The following NUMA1 variants were observed in gnomAD, a reference collection of about 807,000 sequenced individuals.
NUMA1 encodes nuclear mitotic apparatus protein 1.
NUMA1 carries 62 observed loss-of-function variants against 237.1 expected under a neutral mutation model. The observed-to-expected ratio is 0.26, with a 90% CI of 0.21 to 0.32. NUMA1 has a LOEUF of 0.32. Among genes scored for constraint, NUMA1 ranks in the 10% least tolerant of loss-of-function variants. The pLI, the probability that NUMA1 is intolerant of heterozygous loss-of-function variation, is 1.00. For synonymous variants in NUMA1, 1,028 were observed against 1,066.1 expected, an observed-to-expected ratio of 0.96 and a Z score of 0.70; for missense variants, 2,533 against 2,666.5, an observed-to-expected ratio of 0.95 and a Z score of 1.10.
intron 4 of NUMA1, among the ~76,000 whole-genome samples, chr11:72,025,284 G>C (rs1939426063): frequency 6.6e-6 from 1 of 152,144 alleles, no homozygotes; most frequent in Non-Finnish European, 1.5e-5. Flanking sequence ...GGAGACAGCA[G>C]GGGGAGCTCT....
intron 10 of NUMA1, 74 bp from the exon 11 acceptor site, chr11:72,018,587 T>C: frequency 7.5e-7 from 1 of 1,340,402 alleles, no homozygotes; most frequent in Admixed American, 1.7e-5. Flanking sequence ...CACAGAACTA[T>C]GTGCACAAGG....
At chr11:72,056,598 G>C (rs2136101218) in intron 2 of NUMA1, among the ~76,000 whole-genome samples, 1 of 132,436 alleles carries the variant, frequency 7.6e-6, no homozygotes, top group African/African-American at 2.9e-5. Flanking sequence ...GGGATTACTG[G>C]CATGAGCCAT....
At position 72,003,410 on chromosome 11, in the gene NUMA1, G is replaced by A. The variant is rs376421361; in HGVS notation, c.*117C>T. ...GCGGGCAGGCATCACTGTCTCTAGG[G>A]GTTTGGCTACTGTTGGCCTGGGAGC... On this transcript the variant is annotated 3_prime_UTR_variant, in exon 27 of 27. Coordinates refer to ENST00000393695, the MANE Select transcript of NUMA1 (RefSeq NM_006185.4). 57 of 998,762 alleles carry A rather than the reference G, an allele frequency of 5.7e-5. 1 individual carries two copies. The Middle Eastern group carries it at 6.2e-4, about 11-fold the overall frequency. The allele number at this position is 998,762 out of a possible 1,614,324, so 61.9% of individuals were successfully genotyped here. A position where few individuals can be genotyped will look rare whatever the true frequency, so the allele number is the denominator to read the frequency against.
chr11:72,054,953 G>C (rs1260751015), intron 2 of NUMA1, among the ~76,000 whole-genome samples: 3 of 152,110 alleles, frequency 2.0e-5, no homozygotes, highest in Admixed American at 1.3e-4. Flanking sequence ...GCCTTGCATA[G>C]ATCTAGTGGG....
At position 72,029,278 on chromosome 11, in the gene NUMA1, G is replaced by C. The variant is rs775615754; in HGVS notation, c.55C>G (p.His19Asp). ...ACAGCCTCCACAGGGTCAGCCACGTGTAGACTGTTCACCTGTAAATCAAAG... is the reference window on the plus strand; with the variant it reads ...ACAGCCTCCACAGGGTCAGCCACGTCTAGACTGTTCACCTGTAAATCAAAG... ...AALLSWVNSL[H>D]VADPVEAVLQ... Residue 19 changes from histidine to aspartate, a missense_variant, in exon 4 of 27, where the codon CAC becomes GAC. Physicochemically the swap from His to Asp is moderately conservative, Grantham distance 81. Around this residue, in one of 3 missense-constraint regions of NUMA1, gnomAD observed 1,414 missense variants for 1,508.1 expected, o/e 0.94. Transcript: ENST00000393695. The C allele has an allele frequency of 1.2e-6, 2 of 1,607,496 alleles. No individual in the cohort carries two copies. Among genetic ancestry groups the C allele is most frequent in the South Asian group, 2.2e-5 (2 of 90,998 alleles).
At position 72,003,345 on chromosome 11, in the gene NUMA1, C is replaced by T; in HGVS notation, c.*182G>A. The stretch of plus-strand genomic sequence containing the variant: ...TGCTCCAGGCCCCCTGGGCCAGCTC[C>T]GAGAAGGCGCCAGTGAAGGACCAGG... On this transcript the variant is annotated 3_prime_UTR_variant, in exon 27 of 27. Transcript: ENST00000393695. 5 of 649,578 alleles carry T rather than the reference C, an allele frequency of 7.7e-6. No individual in the cohort carries two copies. Among genetic ancestry groups the T allele is most frequent in the Middle Eastern group, 3.5e-4 (1 of 2,854 alleles). The allele number at this position is 649,578 out of a possible 1,614,324, so 40.2% of individuals were successfully genotyped here.
rs774608170 is a variant in NUMA1, at chr11:72,008,787, G to A, written c.5117C>T (p.Ala1706Val). 4 of 1,614,116 alleles carry A rather than the reference G, an allele frequency of 2.5e-6. No homozygotes were observed. The highest frequency in any genetic ancestry group is 1.1e-5 in the South Asian group (1 of 91,086). The change falls in exon 20 of 27, where the codon GCT becomes GTT. Residue 1706 changes from alanine (A) to valine (V), a missense_variant. Ala to Val is a moderately conservative substitution (Grantham distance 64). Coordinates refer to ENST00000393695, the MANE Select transcript of NUMA1 (RefSeq NM_006185.4). ...AGCCTGGGGCTCACGGCTCTTTAAA[G>A]CATCAGTTGCCACCTGGAATTTGCC... ...DLGKFQVATD[A>V]LKSREPQAKP...
intron 16 of NUMA1, 78 bp downstream of exon 16, chr11:72,012,323 C>A (rs1956209200): frequency 2.8e-6 from 4 of 1,408,470 alleles, no homozygotes; most frequent in Middle Eastern, 4.7e-4. Flanking sequence ...CTGGCGGAGG[C>A]AAGCTGCAGC....
chr11:72,007,674 T>C (rs889299358), intron 20 of NUMA1: 3 of 565,218 alleles, frequency 5.3e-6, no homozygotes. Flanking sequence ...AGATGTCCCA[T>C]CCCCACCAGA....
chr11:72,066,508 G>C (rs1274908414), intron 2 of NUMA1: 1 of 151,988 alleles, frequency 6.6e-6, no homozygotes, highest in Non-Finnish European at 1.5e-5. Flanking sequence ...TCTACCTCAG[G>C]CACATTTTCC....
At chr11:72,073,558 A>G (rs1943564987) in intron 1 of NUMA1, among the ~76,000 whole-genome samples, 1 of 152,224 alleles carries the variant, frequency 6.6e-6, no homozygotes, top group Admixed American at 6.5e-5. Flanking sequence ...AGAACTACAC[A>G]CTTTTAGCCA....
Position 72,013,848 on chromosome 11 carries a change from C to T in NUMA1, c.3655G>A (p.Glu1219Lys). 6.2e-7 allele frequency: 1 copy of T among 1,613,340 alleles called. No homozygotes were observed. The highest frequency in any genetic ancestry group is 8.5e-7 in the Non-Finnish European group (1 of 1,180,028). ...ATGAGGCTATTTTTCCTCTCAGCCTCTTGCCGGCCCCGGGCCACCTGGGCC... is the reference window on the plus strand; with the variant it reads ...ATGAGGCTATTTTTCCTCTCAGCCTTTTGCCGGCCCCGGGCCACCTGGGCC... The part of the protein sequence containing the change: ...WKAQVARGRQ[E>K]AERKNSLISS... The change falls in exon 15 of 27, where the codon GAG becomes AAG. Residue 1219 changes from glutamate (E) to lysine (K), a missense_variant. Glu to Lys is a moderately conservative substitution (Grantham distance 56). Around this residue, in one of 3 missense-constraint regions of NUMA1, gnomAD observed 1,414 missense variants for 1,508.1 expected, o/e 0.94. Transcript: ENST00000393695. The surrounding 1 kb of genome is among the most constrained non-coding windows in gnomAD (Gnocchi z 6.8).
intron 12 of NUMA1, 77 bp from the exon 13 acceptor site, chr11:72,017,904 C>A (rs2135151325): frequency 6.6e-7 from 1 of 1,515,304 alleles, no homozygotes; most frequent in East Asian, 2.3e-5. Context: ...CCCAGAACCC[C>A]AGGGGCTGGA....
intron 2 of NUMA1, among the ~76,000 whole-genome samples, chr11:72,052,482 G>A (rs771676888): frequency 3.3e-4 from 50 of 152,094 alleles, no homozygotes; most frequent in Non-Finnish European, 5.3e-4. Context: ...AGGGTAATAA[G>A]TAAGGCCAGG....
At chr11:72,022,492 T>G in intron 6 of NUMA1, 73 bp from the exon 7 acceptor site, 1 of 1,026,278 alleles carries the variant, frequency 9.7e-7, no homozygotes, top group South Asian at 1.3e-5. Flanking sequence ...TGGGCTGTTC[T>G]GGGGACTCTG....
At chr11:72,022,521 T>A (rs1939011290) in intron 6 of NUMA1, 102 bp from the exon 7 acceptor site, 1 of 723,568 alleles carries the variant, frequency 1.4e-6, no homozygotes, top group African/African-American at 1.8e-5. Context: ...CGGTGACTCT[T>A]CTAAAAGTCC....
At chr11:72,069,143 G>A (rs1362442029) in intron 2 of NUMA1, among the ~76,000 whole-genome samples, 1 of 152,138 alleles carries the variant, frequency 6.6e-6, no homozygotes, top group Admixed American at 6.6e-5. Flanking sequence ...TTACAATCAA[G>A]GGGGCAAGAC....
rs774179011 is a variant in NUMA1, at chr11:72,024,318, T to A, written c.164A>T (p.Gln55Leu). The change falls in exon 5 of 27, where the codon CAG becomes CTG. Residue 55 changes from glutamine (Q) to leucine (L), a missense_variant. Gln to Leu is a moderately radical substitution (Grantham distance 113, BLOSUM62 -2). Coordinates refer to ENST00000393695, the MANE Select transcript of NUMA1 (RefSeq NM_006185.4). ...GTEEGQQILK[Q>L]PVSERLDFVC... ...AAAGTCCAGTCTCTCTGACACCGGC[T>A]GCTTCAAGATTTGCTGTCCCTCTTC... 1 of 1,614,254 alleles carries A rather than the reference T, an allele frequency of 6.2e-7. No homozygotes were observed. The highest frequency in any genetic ancestry group is 8.5e-7 in the Non-Finnish European group (1 of 1,180,034).
At chr11:72,062,790 G>A (rs529291116) in intron 2 of NUMA1, 5 of 151,454 alleles carry the variant, frequency 3.3e-5, no homozygotes, top group African/African-American at 7.3e-5. Flanking sequence ...TAGGAATTTG[G>A]CAATACAAAT....
Sources: allele counts gnomAD v4.1 joint callset (sites outside exome capture counted in the v4.1 genomes callset), GRCh38; gene constraint gnomAD v4.1.1; regional missense constraint gnomAD v4.1.1; non-coding constraint Gnocchi (gnomAD v3.1); transcripts MANE v1.5; gene names NCBI Gene and HGNC (gene_info 2026-07-23, HGNC 2026-07-21).